Variants in CNOT6 observed in about 807,000 individuals in gnomAD.
CNOT6 encodes carbon catabolite repression 4 protein.
CNOT6 carries 12 observed loss-of-function variants against 61.2 expected under a neutral mutation model. That is an observed-to-expected ratio of 0.20 (90% confidence interval 0.13 to 0.32). CNOT6 has a LOEUF of 0.32. Ranked by LOEUF, CNOT6 falls within the 10% of genes least tolerant of loss-of-function variation. CNOT6 has a pLI of 1.00. For synonymous variants in CNOT6, 225 were observed against 240.6 expected (o/e 0.94, Z 0.60); for missense variants, 405 against 663.9 (o/e 0.61, Z 4.28).
chr5:180,537,190 T>C (rs781773518), intron 2 of CNOT6, among the ~76,000 whole-genome samples: 7 of 152,224 alleles, frequency 4.6e-5, no homozygotes, highest in Non-Finnish European at 8.8e-5. Context: ...TGCTGAATTA[T>C]ATGGGAATAG....
chr5:180,533,880 T>C (rs1446768352), intron 2 of CNOT6, among the ~76,000 whole-genome samples: 1 of 152,200 alleles, frequency 6.6e-6, no homozygotes, highest in Non-Finnish European at 1.5e-5. Flanking sequence ...ACCTGGGGCC[T>C]GGACTCTGAA....
intron 4 of CNOT6, among the ~76,000 whole-genome samples, chr5:180,561,417 C>T: frequency 6.8e-6 from 1 of 147,214 alleles, no homozygotes; most frequent in Admixed American, 6.8e-5. Flanking sequence ...TTTAATTTCT[C>T]ATTGAAGCAT....
At chr5:180,523,360 G>A (rs548435836) in intron 1 of CNOT6, among the ~76,000 whole-genome samples, 1 of 152,242 alleles carries the variant, frequency 6.6e-6, no homozygotes, top group African/African-American at 2.4e-5. Context: ...GTTAGGGGCT[G>A]TTAGGATGGG....
At chr5:180,552,179 C>T (rs1001638077) in intron 3 of CNOT6, among the ~76,000 whole-genome samples, 6 of 151,870 alleles carry the variant, frequency 4.0e-5, no homozygotes, top group African/African-American at 1.5e-4. Context: ...CGAGGGACCT[C>T]CTTTTTTCTG....
chr5:180,554,684 G>A lies in CNOT6; in HGVS notation c.385+1213G>A, dbSNP rs72814962. Among the ~76,000 whole-genome samples, 232 of 152,202 alleles carry A rather than the reference G, an allele frequency of 1.5e-3. 1 individual carries two copies. Among genetic ancestry groups the A allele is most frequent in the Non-Finnish European group, 2.9e-3 (195 of 67,996 alleles). The stretch of plus-strand genomic sequence containing the variant: ...ATGCAAGATGAAGATGCCCTTTTCT[G>A]TTATATTTCCCAGTCTAGCTGTTTC... On this transcript the variant is annotated intron_variant, in intron 4 of 11. Transcript: ENST00000261951.
chr5:180,540,594 G>A (rs904308543), intron 2 of CNOT6, among the ~76,000 whole-genome samples: 3 of 152,202 alleles, frequency 2.0e-5, no homozygotes, highest in African/African-American at 7.2e-5. Flanking sequence ...CTGCCCAAAT[G>A]TAGGCTAATG....
chr5:180,504,399 T>C (rs1310082452), intron 1 of CNOT6, among the ~76,000 whole-genome samples: 1 of 152,168 alleles, frequency 6.6e-6, no homozygotes, highest in Non-Finnish European at 1.5e-5. Context: ...TCCCAAGTCA[T>C]TGTGTATCTG....
intron 4 of CNOT6, among the ~76,000 whole-genome samples, chr5:180,563,269 G>A (rs1392429046): frequency 6.7e-6 from 1 of 149,590 alleles, no homozygotes; most frequent in East Asian, 1.9e-4. Flanking sequence ...AGGCTGGAGT[G>A]CAGTGGCGCG....
Position 180,564,470 on chromosome 5 carries a change from A to G in CNOT6, c.386-19A>G. 6.5e-7 allele frequency: 1 copy of G among 1,531,862 alleles called. No homozygotes were observed. The highest frequency in any genetic ancestry group is 9.0e-7 in the Non-Finnish European group (1 of 1,114,344). 94.9% of individuals were successfully genotyped at this position (1,531,862 alleles called of 1,614,324 possible). On this transcript the variant is annotated intron_variant, in intron 4 of 11. Coordinates refer to ENST00000261951, the MANE Select transcript of CNOT6 (RefSeq NM_001370472.1). ...TTTATTACTTAGTTTCATTTTACTT[A>G]TTTCAAAAATATTTCCAGGAAATCC...
chr5:180,539,409 TCTTG>T (rs951195198), intron 2 of CNOT6, among the ~76,000 whole-genome samples: 14 of 151,880 alleles, frequency 9.2e-5, no homozygotes, highest in African/African-American at 2.4e-4. Flanking sequence ...TTTGTTCTTT[TCTTG>T]CTTCTATCAT....
At chr5:180,549,210 C>T (rs1759464783) in intron 2 of CNOT6, among the ~76,000 whole-genome samples, 1 of 152,162 alleles carries the variant, frequency 6.6e-6, no homozygotes, top group Middle Eastern at 3.4e-3. Context: ...AGGCAAAATT[C>T]TTGTTTTCTG....
At position 180,518,010 on chromosome 5, in the gene CNOT6, CT is replaced by C. The variant is rs577872550; in HGVS notation, c.-2-11264del. 1.6e-3 allele frequency among the ~76,000 whole-genome samples: 77 copies of C among 47,644 alleles called. 1 individual carries two copies. The highest frequency in any genetic ancestry group is 3.3e-3 in the African/African-American group (69 of 20,898). The allele number at this position is 47,644 out of a possible 152,430, so 31.3% of individuals were successfully genotyped here. A position where few individuals can be genotyped will look rare whatever the true frequency, so the allele number is the denominator to read the frequency against. On this transcript the variant is annotated intron_variant, in intron 1 of 11. Coordinates refer to ENST00000261951, the MANE Select transcript of CNOT6 (RefSeq NM_001370472.1). ...ATGCTGTCTCTTCCCCCATCTCCCC[CT>C]CTCTCCTCGTCTTGATTACTATAGT...
At chr5:180,520,583 A>T (rs1757836378) in intron 1 of CNOT6, among the ~76,000 whole-genome samples, 1 of 152,042 alleles carries the variant, frequency 6.6e-6, no homozygotes, top group Non-Finnish European at 1.5e-5. Flanking sequence ...CAGAGGTTGC[A>T]GTGAGCCAAG....
chr5:180,560,838 G>A (rs562905817), intron 4 of CNOT6, among the ~76,000 whole-genome samples: 17 of 152,252 alleles, frequency 1.1e-4, no homozygotes, highest in East Asian at 7.7e-4. Context: ...TGTCCTCAGC[G>A]TCCAAGGCTC....
At position 180,497,954 on chromosome 5, in the gene CNOT6, A is replaced by G. The variant is rs758337226; in HGVS notation, c.-3+3191A>G. On this transcript the variant is annotated intron_variant, in intron 1 of 11. Coordinates refer to ENST00000261951, the MANE Select transcript of CNOT6 (RefSeq NM_001370472.1). ...GCTACTCGGGAGACTGAGGCAGGAG[A>G]ATCGCTTGAACCTGGGAGGCAGAGC... Among the ~76,000 whole-genome samples, 17 of 152,088 alleles carry G rather than the reference A, an allele frequency of 1.1e-4. No homozygotes were observed. In the South Asian group the frequency reaches 1.9e-3, roughly 17 times the overall value.
At position 180,512,475 on chromosome 5, in the gene CNOT6, ATTC is replaced by A. The variant is rs1325172340; in HGVS notation, c.-2-16795_-2-16793del. On this transcript the variant is annotated intron_variant, in intron 1 of 11. Coordinates refer to ENST00000261951, the MANE Select transcript of CNOT6 (RefSeq NM_001370472.1). Reference sequence around the variant, plus strand: ...TTGAATTCTCAACTGCGGAGTTTGAATTCTTCTCAGCAGTAGAGATCTTAAAGG... The same window carrying A: ...TTGAATTCTCAACTGCGGAGTTTGAATTCTCAGCAGTAGAGATCTTAAAGG... Among the ~76,000 whole-genome samples the A allele has an allele frequency of 5.3e-5, 8 of 152,378 alleles. No homozygotes were observed. The South Asian group carries it at 1.4e-3, about 28-fold the overall frequency.
chr5:180,522,856 T>C (rs1298847386), intron 1 of CNOT6, among the ~76,000 whole-genome samples: 1 of 152,172 alleles, frequency 6.6e-6, no homozygotes, highest in Non-Finnish European at 1.5e-5. Flanking sequence ...ATCTGTCTGT[T>C]CATCTGTATA....
intron 3 of CNOT6, among the ~76,000 whole-genome samples, chr5:180,552,437 C>G (rs113317605): frequency 1.3e-4 from 19 of 151,360 alleles, no homozygotes; most frequent in Non-Finnish European, 1.9e-4. Flanking sequence ...GTCTGGAGAT[C>G]GAGACCATCC....
intron 4 of CNOT6, among the ~76,000 whole-genome samples, chr5:180,560,196 C>T (rs1473376584): frequency 3.9e-5 from 6 of 152,102 alleles, no homozygotes; most frequent in Non-Finnish European, 7.4e-5. Flanking sequence ...CCACCCACTT[C>T]GCCCTCCCAA....
Sources: gnomAD v4.1 joint callset for allele counts (sites outside exome capture counted in the v4.1 genomes callset) on GRCh38, gnomAD v4.1.1 for gene constraint, MANE v1.5 for transcripts, NCBI Gene and HGNC (gene_info 2026-07-23, HGNC 2026-07-21) for gene names.